The following PMP22 variants were observed in gnomAD, a reference collection of about 807,000 sequenced individuals.
The protein encoded by PMP22 is Charcot-Marie-Tooth neuropathy 1A (greatly reduced nerve conduction velocity, hereditary motor sensory neuropathy Ia).
Under a neutral mutation model 18.9 loss-of-function variants are expected in PMP22, and 2 were observed. The observed-to-expected ratio is 0.11, with a 90% CI of 0.04 to 0.33. The LOEUF is 0.33. Ranked by LOEUF, PMP22 falls within the 10% of genes least tolerant of loss-of-function variation. The probability of loss-of-function intolerance (pLI) is 1.00; values close to 1 mark genes in which losing one functional copy is unlikely to be tolerated. For missense variants in PMP22, 169 were observed against 202.2 expected (o/e 0.84, Z 1.00); for synonymous variants, 95 against 89.2 (o/e 1.07, Z -0.37).
chr17:15,261,912 T>C lies in PMP22; in HGVS notation c.-34-1151A>G, dbSNP rs561228429. ...TTGGGCCAGGGAGACAACGTTTCAATAACCCAGTTTGGAAAGTACCCAATC... is the reference window on the plus strand; with the variant it reads ...TTGGGCCAGGGAGACAACGTTTCAACAACCCAGTTTGGAAAGTACCCAATC... On this transcript the variant is annotated intron_variant, in intron 1 of 4. Transcript: ENST00000312280. The surrounding 1 kb of genome is among the most constrained non-coding windows in gnomAD (Gnocchi z 5.2). 4.9e-4 allele frequency: 74 copies of C among 152,352 alleles called. No individual in the cohort carries two copies. Among genetic ancestry groups the C allele is most frequent in the African/African-American group, 1.8e-3 (73 of 41,584 alleles). The allele number at this position is 152,352 out of a possible 1,614,324, so 9.4% of individuals were successfully genotyped here. A position where few individuals can be genotyped will look rare whatever the true frequency, so the allele number is the denominator to read the frequency against.
intron 1 of PMP22, among the ~76,000 whole-genome samples, chr17:15,263,755 A>G (rs561798197): frequency 2.6e-5 from 4 of 152,304 alleles, no homozygotes; most frequent in South Asian, 2.1e-4. Context: ...AAGATCTTCA[A>G]ACAATGATCT....
intron 1 of PMP22, among the ~76,000 whole-genome samples, chr17:15,264,316 A>C (rs2150715790): frequency 6.6e-6 from 1 of 152,316 alleles, no homozygotes; most frequent in East Asian, 1.9e-4. Flanking sequence ...AAAAAAGTCT[A>C]AAGACATGGC....
intron 3 of PMP22, among the ~76,000 whole-genome samples, chr17:15,252,560 C>T (rs1379678478): frequency 6.6e-6 from 1 of 152,144 alleles, no homozygotes; most frequent in African/African-American, 2.4e-5. Flanking sequence ...AGGTACTGCC[C>T]TTAGACAATG....
At chr17:15,256,909 G>A (rs1218584026) in intron 3 of PMP22, among the ~76,000 whole-genome samples, 1 of 152,208 alleles carries the variant, frequency 6.6e-6, no homozygotes, top group African/African-American at 2.4e-5. Flanking sequence ...TAGCGGCAGA[G>A]ATAACCACTA....
At chr17:15,248,664 T>C (rs1908049776) in intron 3 of PMP22, among the ~76,000 whole-genome samples, 1 of 151,992 alleles carries the variant, frequency 6.6e-6, no homozygotes, top group Non-Finnish European at 1.5e-5. Context: ...TTTGTTTCTC[T>C]AAGAATTGCT....
chr17:15,231,078 G>A lies in PMP22; in HGVS notation c.322C>T (p.Leu108=), dbSNP rs1458024982. 1 of 1,613,112 alleles carries A rather than the reference G, an allele frequency of 6.2e-7. No individual in the cohort carries two copies. The highest frequency in any genetic ancestry group is 8.5e-7 in the Non-Finnish European group (1 of 1,179,868). The change falls in exon 5 of 5, where the codon CTG becomes TTG. Residue 108 remains leucine, a splice_region_variant and synonymous_variant. Coordinates refer to ENST00000312280, the MANE Select transcript of PMP22 (RefSeq NM_000304.4). ...ITGIFQILAG[L]CVMSAAAIYT... is the part of the protein sequence containing the mutation. ...ATGGCCGCAGCACTCATCACGCACA[G>A]ACCTGGGGAAGGAGAGGGACAAGCT...
rs375070782 is a variant in PMP22, at chr17:15,234,492, C to A, written c.320-3412G>T. Among the ~76,000 whole-genome samples, 5 of 152,226 alleles carry A rather than the reference C, an allele frequency of 3.3e-5. No individual in the cohort carries two copies. The South Asian group carries it at 1.0e-3, about 32-fold the overall frequency. The stretch of plus-strand genomic sequence containing the variant: ...TGATGTTGGGTTGATGAGTGGGTGC[C>A]TTTTTCTCCCTCCCACTTCATCCTC... On this transcript the variant is annotated intron_variant, in intron 4 of 4. Transcript: ENST00000312280.
At chr17:15,262,983 G>T (rs897180884) in intron 1 of PMP22, among the ~76,000 whole-genome samples, 1 of 152,212 alleles carries the variant, frequency 6.6e-6, no homozygotes, top group Non-Finnish European at 1.5e-5. Flanking sequence ...AGAGGGCAGC[G>T]GGCGCTTGAG....
chr17:15,253,547 C>T (rs1000362801), intron 3 of PMP22, among the ~76,000 whole-genome samples: 2 of 152,100 alleles, frequency 1.3e-5, no homozygotes, highest in Non-Finnish European at 2.9e-5. Flanking sequence ...CCGTGGAAGA[C>T]AGCAGGTCTA....
intron 4 of PMP22, among the ~76,000 whole-genome samples, chr17:15,237,805 A>G (rs1906940561): frequency 6.6e-6 from 1 of 152,218 alleles, no homozygotes; most frequent in African/African-American, 2.4e-5. Flanking sequence ...GTAACGTGCC[A>G]AATCATAACA....
chr17:15,259,010 T>G, intron 3 of PMP22, 84 bp downstream of exon 3: 1 of 1,017,510 alleles, frequency 9.8e-7, no homozygotes, highest in South Asian at 1.3e-5. Flanking sequence ...GCTTGTGTCT[T>G]CCAATAAGCG....
At position 15,258,150 on chromosome 17, in the gene PMP22, T is replaced by C. The variant is rs193020810; in HGVS notation, c.178+944A>G. 5.9e-5 allele frequency among the ~76,000 whole-genome samples: 9 copies of C among 152,330 alleles called. No individual in the cohort carries two copies. In the East Asian group the frequency reaches 1.7e-3, roughly 29 times the overall value. The stretch of plus-strand genomic sequence containing the variant: ...CTCCAGCAACATTTAAAGCTGTATT[T>C]CCGTGGCCTTTTAAACCCAGGATGT... On this transcript the variant is annotated intron_variant, in intron 3 of 4. Coordinates refer to ENST00000312280, the MANE Select transcript of PMP22 (RefSeq NM_000304.4). This position sits in a 1 kb window ranked among gnomAD's most constrained non-coding sequence, Gnocchi z 4.1.
intron 1 of PMP22, 132 bp from the exon 2 acceptor site, chr17:15,260,893 G>C (rs1279568016): frequency 1.2e-5 from 6 of 503,574 alleles, no homozygotes; most frequent in East Asian, 7.7e-5. Flanking sequence ...CGCCCGCGCG[G>C]GTCAGGAGCC....
chr17:15,263,189 G>C (rs1041187637), intron 1 of PMP22, among the ~76,000 whole-genome samples: 1 of 152,200 alleles, frequency 6.6e-6, no homozygotes, highest in Non-Finnish European at 1.5e-5. Flanking sequence ...AAGTCCGGCC[G>C]ACTACTGGAT....
At chr17:15,237,826 G>A (rs193216475) in intron 4 of PMP22, among the ~76,000 whole-genome samples, 63 of 152,164 alleles carry the variant, frequency 4.1e-4, no homozygotes, top group Admixed American at 3.5e-3. Flanking sequence ...AGGTTTGAGC[G>A]AGGCACATCT....
intron 1 of PMP22, among the ~76,000 whole-genome samples, chr17:15,263,271 G>C (rs1196189780): frequency 6.6e-6 from 1 of 152,200 alleles, no homozygotes; most frequent in African/African-American, 2.4e-5. Flanking sequence ...TCTAGGCAAA[G>C]TGTTCCTGCA....
At chr17:15,254,890 C>T (rs1450099830) in intron 3 of PMP22, among the ~76,000 whole-genome samples, 1 of 152,164 alleles carries the variant, frequency 6.6e-6, no homozygotes, top group Non-Finnish European at 1.5e-5. Flanking sequence ...ACCCGGGAAG[C>T]GGAGGTTGCA....
At chr17:15,235,326 A>C in intron 4 of PMP22, 1 of 717,422 alleles carries the variant, frequency 1.4e-6, no homozygotes, top group Non-Finnish European at 2.6e-6. Context: ...AACCAATAAT[A>C]GTTTTATTCA....
chr17:15,255,871 C>T (rs1908778252), intron 3 of PMP22, among the ~76,000 whole-genome samples: 1 of 152,180 alleles, frequency 6.6e-6, no homozygotes, highest in Non-Finnish European at 1.5e-5. Context: ...GGGCACCTGG[C>T]CTGCTCTGCC....
Sources: gnomAD v4.1 joint callset for allele counts (sites outside exome capture counted in the v4.1 genomes callset) on GRCh38, gnomAD v4.1.1 for gene constraint, Gnocchi (gnomAD v3.1) non-coding constraint, MANE v1.5 for transcripts, NCBI Gene and HGNC (gene_info 2026-07-23, HGNC 2026-07-21) for gene names.